SCFD1: variants seen among roughly 807,000 people sequenced by gnomAD.
SCFD1 encodes the protein sec1 family domain containing 1.
In SCFD1, 37 loss-of-function variants were observed where a neutral mutation model predicts 103.2. The ratio of observed to expected loss-of-function variants is 0.36; its 90% CI spans 0.28 to 0.47. The LOEUF (loss-of-function observed/expected upper bound fraction) is 0.47. Ranked by LOEUF, SCFD1 falls within the 20% of genes least tolerant of loss-of-function variation. The pLI is 1.00. For synonymous variants in SCFD1, 264 were observed against 245.0 expected, an observed-to-expected ratio of 1.08 and a Z score of -0.73; for missense variants, 639 against 761.2, an observed-to-expected ratio of 0.84 and a Z score of 1.89.
intron 15 of SCFD1, among the ~76,000 whole-genome samples, chr14:30,696,100 A>G (rs1030221951): frequency 6.6e-6 from 1 of 152,202 alleles, no homozygotes; most frequent in African/African-American, 2.4e-5. Context: ...CATATAAGCT[A>G]TTTAAGCTGC....
At chr14:30,715,884 G>A (rs1409083995) in intron 19 of SCFD1, 40 bp from the exon 20 acceptor site, 1 of 1,109,356 alleles carries the variant, frequency 9.0e-7, no homozygotes, top group South Asian at 1.4e-5. Context: ...GAAGAACTTT[G>A]GTTTAATATT....
At position 30,700,210 on chromosome 14, in the gene SCFD1, G is replaced by T; in HGVS notation, c.1362G>T (p.Met454Ile). Residue 454 changes from methionine to isoleucine, a missense_variant, in exon 16 of 25, where the codon ATG (methionine) becomes ATT (isoleucine). Coordinates refer to ENST00000458591, the MANE Select transcript of SCFD1 (RefSeq NM_016106.4). ...CAGCAGGAACTCCAGAAGATAAAATGAGGTTGTTTCTTATCTATTATATAA... is the reference window on the plus strand; with the variant it reads ...CAGCAGGAACTCCAGAAGATAAAATTAGGTTGTTTCTTATCTATTATATAA... ...DPDAGTPEDK[M>I]RLFLIYYIST... 6.2e-7 allele frequency: 1 copy of T among 1,611,280 alleles called. No individual in the cohort carries two copies. Among genetic ancestry groups the T allele is most frequent in the Non-Finnish European group, 8.5e-7 (1 of 1,177,696 alleles).
At chr14:30,659,783 CATAGT>C (rs1412429951) in intron 10 of SCFD1, among the ~76,000 whole-genome samples, 2 of 151,948 alleles carry the variant, frequency 1.3e-5, no homozygotes, top group African/African-American at 4.8e-5. Context: ...TTTTCTTGGT[CATAGT>C]ATTTATTGTT....
At chr14:30,700,032 G>A (rs991303265) in intron 15 of SCFD1, among the ~76,000 whole-genome samples, 156 bp from the exon 16 acceptor site, 1 of 152,004 alleles carries the variant, frequency 6.6e-6, no homozygotes, top group Admixed American at 6.5e-5. Context: ...ATTTTACATG[G>A]TTATAATTAT....
At chr14:30,734,649 A>G (rs1893709044) in intron 23 of SCFD1, 141 bp from the exon 24 acceptor site, 1 of 655,452 alleles carries the variant, frequency 1.5e-6, no homozygotes, top group Admixed American at 2.4e-5. Flanking sequence ...TTTTAGGTAG[A>G]TGTGTATACT....
intron 2 of SCFD1, among the ~76,000 whole-genome samples, chr14:30,629,380 ATAAT>A (rs1295008915): frequency 6.6e-6 from 1 of 152,126 alleles, no homozygotes; most frequent in Non-Finnish European, 1.5e-5. Flanking sequence ...TACTCCATAA[ATAAT>A]TATTGAGGTA....
intron 19 of SCFD1, among the ~76,000 whole-genome samples, chr14:30,708,584 T>A (rs1369927913): frequency 6.6e-6 from 1 of 152,226 alleles, no homozygotes; most frequent in Non-Finnish European, 1.5e-5. Flanking sequence ...GATTTGTATT[T>A]ACCATCAGGT....
chr14:30,721,992 C>G lies in SCFD1; in HGVS notation c.1770+75C>G, dbSNP rs1017121993. On this transcript the variant is annotated intron_variant, in intron 22 of 24. Coordinates refer to ENST00000458591, the MANE Select transcript of SCFD1 (RefSeq NM_016106.4). ...TGACCAATCTTGAAGACTGTCTGTACCAAACATGGCTTTATGATGATTAGT... is the reference window on the plus strand; with the variant it reads ...TGACCAATCTTGAAGACTGTCTGTAGCAAACATGGCTTTATGATGATTAGT... 10 of 1,042,402 alleles carry G rather than the reference C, an allele frequency of 9.6e-6. 1 individual carries two copies. The highest frequency in any genetic ancestry group is 8.1e-5 in the African/African-American group (5 of 61,702). The allele number at this position is 1,042,402 out of a possible 1,614,324, so 64.6% of individuals were successfully genotyped here.
At chr14:30,717,852 C>T (rs1030428743) in intron 20 of SCFD1, among the ~76,000 whole-genome samples, 2 of 151,086 alleles carry the variant, frequency 1.3e-5, no homozygotes, top group African/African-American at 4.9e-5. Flanking sequence ...CCACTGCACT[C>T]CAGCCTGGGT....
At chr14:30,659,453 T>C (rs948092524) in intron 10 of SCFD1, among the ~76,000 whole-genome samples, 2 of 152,194 alleles carry the variant, frequency 1.3e-5, no homozygotes, top group African/African-American at 2.4e-5. Context: ...GCGACTGTAT[T>C]GGACAGTGCA....
chr14:30,709,689 T>C (rs183131166), intron 19 of SCFD1, among the ~76,000 whole-genome samples: 1 of 152,286 alleles, frequency 6.6e-6, no homozygotes, highest in Non-Finnish European at 1.5e-5. Context: ...AAAGGCACAA[T>C]AGGAAGTTTG....
intron 4 of SCFD1, among the ~76,000 whole-genome samples, chr14:30,634,284 A>G (rs1884483168): frequency 6.6e-6 from 1 of 152,148 alleles, no homozygotes; most frequent in African/African-American, 2.4e-5. Context: ...TCCACAGTTA[A>G]CCAGGTACTG....
At chr14:30,634,137 A>G (rs974240057) in intron 4 of SCFD1, 100 bp downstream of exon 4, 7 of 639,596 alleles carry the variant, frequency 1.1e-5, no homozygotes, top group South Asian at 2.1e-5. Context: ...AGAAATTCCT[A>G]TGCCTACTTT....
intron 13 of SCFD1, 75 bp downstream of exon 13, chr14:30,674,072 A>C: frequency 9.5e-7 from 1 of 1,047,326 alleles, no homozygotes; most frequent in Non-Finnish European, 1.4e-6. Flanking sequence ...AAAAATTGTT[A>C]ATGTTTTTAA....
chr14:30,630,779 T>A (rs1171965674), intron 3 of SCFD1: 1 of 484,112 alleles, frequency 2.1e-6, no homozygotes, highest in Non-Finnish European at 3.6e-6. Context: ...TCCTTAGATT[T>A]GGTTTACCCT....
chr14:30,719,741 T>A (rs991850318), intron 21 of SCFD1, among the ~76,000 whole-genome samples: 1 of 152,178 alleles, frequency 6.6e-6, no homozygotes, highest in African/African-American at 2.4e-5. Context: ...ACCAGTTGTT[T>A]GGTTGTTTTT....
chr14:30,673,117 G>A (rs945964433), intron 11 of SCFD1, 140 bp from the exon 12 acceptor site: 16 of 427,184 alleles, frequency 3.7e-5, no homozygotes, highest in Non-Finnish European at 6.0e-5. Context: ...AATCTTTTCT[G>A]CCTTTGTTAT....
At chr14:30,636,266 GT>G (rs904267354) in intron 4 of SCFD1, among the ~76,000 whole-genome samples, 30 of 145,638 alleles carry the variant, frequency 2.1e-4, no homozygotes, top group East Asian at 4.0e-4. Flanking sequence ...CAGTTTATCG[GT>G]TTTTTTTTTT....
chr14:30,657,690 T>TTTG (rs1462123472), intron 10 of SCFD1, among the ~76,000 whole-genome samples: 1 of 152,182 alleles, frequency 6.6e-6, no homozygotes, highest in Non-Finnish European at 1.5e-5. Flanking sequence ...CACAAAAATT[T>TTTG]TTGTTGATTG....
Sources: allele counts gnomAD v4.1 joint callset (sites outside exome capture counted in the v4.1 genomes callset), GRCh38; gene constraint gnomAD v4.1.1; transcripts MANE v1.5; gene names NCBI Gene and HGNC (gene_info 2026-07-23, HGNC 2026-07-21).